Variants in ADGRA3 observed in about 807,000 individuals in gnomAD.
The protein encoded by ADGRA3 is G-protein coupled receptor 125.
Under a neutral mutation model 119.8 loss-of-function variants are expected in ADGRA3, and 56 were observed. The observed-to-expected ratio is 0.47, with a 90% CI of 0.38 to 0.58. ADGRA3 has a LOEUF of 0.58. Ranked by LOEUF, ADGRA3 falls within the 20% of genes least tolerant of loss-of-function variation. The pLI is 0.00. For synonymous variants in ADGRA3, 607 were observed against 623.8 expected, an observed-to-expected ratio of 0.97 and a Z score of 0.40; for missense variants, 1,516 against 1,649.0, an observed-to-expected ratio of 0.92 and a Z score of 1.40.
chr4:22,420,368 A>G (rs1439072521), intron 12 of ADGRA3: 1 of 153,636 alleles, frequency 6.5e-6, no homozygotes. Flanking sequence ...GCTTCAATGA[A>G]ATACTTTTTT....
intron 10 of ADGRA3, among the ~76,000 whole-genome samples, chr4:22,425,700 A>G (rs572397901): frequency 6.6e-6 from 1 of 152,156 alleles, no homozygotes; most frequent in African/African-American, 2.4e-5. Context: ...ATCCCAGAAG[A>G]TCTCCGCTGA....
intron 1 of ADGRA3, among the ~76,000 whole-genome samples, chr4:22,506,546 C>G (rs1212160956): frequency 6.6e-6 from 1 of 151,990 alleles, no homozygotes; most frequent in African/African-American, 2.4e-5. Context: ...GAGTGAGACC[C>G]TATCTCAAAA....
intron 16 of ADGRA3, among the ~76,000 whole-genome samples, chr4:22,399,437 T>G (rs1360660435): frequency 6.6e-6 from 1 of 152,192 alleles, no homozygotes; most frequent in Non-Finnish European, 1.5e-5. Flanking sequence ...CAACTTTTTT[T>G]TAAAGGGTTT....
intron 1 of ADGRA3, among the ~76,000 whole-genome samples, chr4:22,506,747 C>CA (rs1456647166): frequency 2.1e-5 from 3 of 143,482 alleles, no homozygotes; most frequent in East Asian, 4.6e-4. Flanking sequence ...TTAGTCAAGA[C>CA]GGAAAAAAAA....
intron 2 of ADGRA3, among the ~76,000 whole-genome samples, chr4:22,472,779 G>C (rs1717900131): frequency 6.6e-6 from 1 of 152,132 alleles, no homozygotes; most frequent in Non-Finnish European, 1.5e-5. Flanking sequence ...GTGAAGCTGA[G>C]CAAAGAGAAT....
Position 22,387,809 on chromosome 4 carries a change from G to C in ADGRA3, c.3862C>G (p.Gln1288Glu). 1 of 1,614,118 alleles carries C rather than the reference G, an allele frequency of 6.2e-7. No individual in the cohort carries two copies. ...QKSYGLNLAIQNGPIKSNGQE... is the reference protein window; with the variant it reads ...QKSYGLNLAIENGPIKSNGQE... ...CCATTGCTTTTAATTGGTCCATTCT[G>C]AATGGCCAAGTTGAGGCCATAAGAT... is the stretch of plus-strand genomic sequence containing the variant. The change falls in exon 19 of 19, where the codon CAG becomes GAG. Residue 1288 changes from glutamine (Q) to glutamate (E), a missense_variant. Gln to Glu is a conservative substitution (Grantham distance 29, BLOSUM62 2). Transcript: ENST00000334304.
Position 22,444,906 on chromosome 4 carries a change from G to A in ADGRA3, c.706+67C>T, listed in dbSNP as rs534449447. 5.4e-6 allele frequency: 8 copies of A among 1,493,806 alleles called. No homozygotes were observed. The South Asian group carries it at 6.9e-5, about 13-fold the overall frequency. 92.5% of individuals were successfully genotyped at this position (1,493,806 alleles called of 1,614,324 possible). ...AAGTATAAAGAGAATCTTACAATTT[G>A]TCAAGAAAAACATGGTAGCAAGTCA... On this transcript the variant is annotated intron_variant, in intron 6 of 18. Coordinates refer to ENST00000334304, the MANE Select transcript of ADGRA3 (RefSeq NM_145290.4).
chr4:22,514,432 A>C (rs899385024), intron 1 of ADGRA3: 1 of 152,184 alleles, frequency 6.6e-6, no homozygotes, highest in Non-Finnish European at 1.5e-5. Context: ...AGGTAAACAA[A>C]AGTGTTAGTA....
chr4:22,400,092 C>T (rs13132217), intron 16 of ADGRA3, among the ~76,000 whole-genome samples: 104,775 of 152,074 alleles, frequency 0.69, 36,966 homozygotes, highest in Non-Finnish European at 0.77. Context: ...ACTAGCAGTT[C>T]GTCTCTGCTA....
At chr4:22,492,901 T>G (rs114388449) in intron 1 of ADGRA3, among the ~76,000 whole-genome samples, 1,577 of 152,312 alleles carry the variant, frequency 0.01, 12 homozygotes, top group Non-Finnish European at 0.016. Context: ...AGTGTGCATT[T>G]TGCACACACA....
intron 2 of ADGRA3, among the ~76,000 whole-genome samples, chr4:22,463,922 G>C (rs144783693): frequency 6.6e-6 from 1 of 152,102 alleles, no homozygotes; most frequent in East Asian, 1.9e-4. Context: ...TCTCAAGAAC[G>C]TTGCTCTGGA....
intron 1 of ADGRA3, among the ~76,000 whole-genome samples, chr4:22,476,627 T>C (rs1718054530): frequency 6.6e-6 from 1 of 151,768 alleles, no homozygotes. Flanking sequence ...ATTTTAGTGA[T>C]GAGGTTTCTA....
chr4:22,442,861 G>T lies in ADGRA3; in HGVS notation c.709C>A (p.Pro237Thr). ...TAGAAAGACGGCAATTCAAGCGGAG[G>T]GTCTAGAGACAATCAAACAAAGATT... ...GVKQELLTCD[P>T]PLELPSFYMT... Residue 237 changes from proline (P) to threonine (T), a missense_variant and splice_region_variant, in exon 7 of 19, where the codon CCT (proline) becomes ACT (threonine). Coordinates refer to ENST00000334304, the MANE Select transcript of ADGRA3 (RefSeq NM_145290.4). 4 of 1,609,126 alleles carry T rather than the reference G, an allele frequency of 2.5e-6. No homozygotes were observed. The East Asian group carries it at 6.7e-5, about 27-fold the overall frequency.
intron 1 of ADGRA3, among the ~76,000 whole-genome samples, chr4:22,497,311 A>T (rs1215394144): frequency 6.6e-6 from 1 of 152,102 alleles, no homozygotes; most frequent in East Asian, 1.9e-4. Flanking sequence ...AAAAGTGTGT[A>T]TGTGTGTGTA....
At chr4:22,489,258 A>G (rs754192120) in intron 1 of ADGRA3, among the ~76,000 whole-genome samples, 1 of 152,114 alleles carries the variant, frequency 6.6e-6, no homozygotes, top group Non-Finnish European at 1.5e-5. Context: ...TATGGAGGAA[A>G]CAGCTGATGA....
intron 1 of ADGRA3, among the ~76,000 whole-genome samples, chr4:22,474,920 T>C (rs1209297580): frequency 6.6e-6 from 1 of 152,192 alleles, no homozygotes; most frequent in Non-Finnish European, 1.5e-5. Flanking sequence ...TCTTTGTATA[T>C]ACAAATGTAA....
chr4:22,401,692 CAG>C, intron 15 of ADGRA3, 138 bp from the exon 16 acceptor site: 2 of 486,024 alleles, frequency 4.1e-6, no homozygotes, highest in Non-Finnish European at 3.6e-6. Context: ...CATATACTAC[CAG>C]ACACACACAC....
chr4:22,441,531 A>G (rs1716611939), intron 7 of ADGRA3, among the ~76,000 whole-genome samples: 2 of 152,214 alleles, frequency 1.3e-5, no homozygotes. Flanking sequence ...ATTTAAAAAT[A>G]TAAATAACAT....
At chr4:22,457,684 AT>A (rs1717288011) in intron 3 of ADGRA3, among the ~76,000 whole-genome samples, 1 of 152,224 alleles carries the variant, frequency 6.6e-6, no homozygotes, top group African/African-American at 2.4e-5. Flanking sequence ...TTTAAAATTC[AT>A]TTTGGATGGC....
Sources: gnomAD v4.1 joint callset for allele counts (sites outside exome capture counted in the v4.1 genomes callset) on GRCh38, gnomAD v4.1.1 for gene constraint, MANE v1.5 for transcripts, NCBI Gene and HGNC (gene_info 2026-07-23, HGNC 2026-07-21) for gene names.